Variants in SLC35F3 observed in about 807,000 individuals in gnomAD.
SLC35F3 encodes the protein putative thiamine transporter SLC35F3.
In SLC35F3, 25 loss-of-function variants were observed where a neutral mutation model predicts 49.9. The ratio of observed to expected loss-of-function variants is 0.50; its 90% CI spans 0.37 to 0.70. The LOEUF is 0.70. SLC35F3 is among the 30% of genes least tolerant of loss of function. The pLI, the probability that SLC35F3 is intolerant of heterozygous loss-of-function variation, is 0.00. For missense variants in SLC35F3, 525 were observed against 639.8 expected (o/e 0.82, Z 1.94); for synonymous variants, 275 against 265.4 (o/e 1.04, Z -0.35).
intron 2 of SLC35F3, among the ~76,000 whole-genome samples, chr1:233,990,295 T>C (rs1663332453): frequency 6.6e-6 from 1 of 152,182 alleles, no homozygotes; most frequent in African/African-American, 2.4e-5. Context: ...GTTTGGAGTG[T>C]ATGAATTTAA....
chr1:234,143,787 C>T (rs944579355), intron 2 of SLC35F3, among the ~76,000 whole-genome samples: 1 of 152,152 alleles, frequency 6.6e-6, no homozygotes, highest in Non-Finnish European at 1.5e-5. Context: ...AGGTTTATTC[C>T]GTATCTTGGC....
intron 2 of SLC35F3, among the ~76,000 whole-genome samples, chr1:234,194,293 C>T (rs961004315): frequency 1.3e-5 from 2 of 152,106 alleles, no homozygotes; most frequent in Admixed American, 6.5e-5. Flanking sequence ...ATGGCATTTG[C>T]GCTACCTGGA....
intron 2 of SLC35F3, among the ~76,000 whole-genome samples, chr1:233,971,193 G>T (rs1262535363): frequency 6.6e-6 from 1 of 152,148 alleles, no homozygotes; most frequent in African/African-American, 2.4e-5. Context: ...TTTCAGAGTC[G>T]TCAGCCAAGT....
chr1:234,005,341 G>T (rs1424342932), intron 2 of SLC35F3, among the ~76,000 whole-genome samples: 1 of 152,144 alleles, frequency 6.6e-6, no homozygotes. Context: ...CTTCATATGA[G>T]TGACTTGTTC....
intron 2 of SLC35F3, among the ~76,000 whole-genome samples, chr1:234,073,239 G>A (rs997564025): frequency 6.6e-6 from 1 of 152,138 alleles, no homozygotes; most frequent in Admixed American, 6.5e-5. Flanking sequence ...GAACTCCTGG[G>A]CTCAAGCAAT....
chr1:234,139,608 C>G lies in SLC35F3; in HGVS notation c.284-91809C>G, dbSNP rs971024736. On this transcript the variant is annotated intron_variant, in intron 2 of 7. Coordinates refer to ENST00000366618, the MANE Select transcript of SLC35F3 (RefSeq NM_173508.4). ...GTTTCACTTTCCATGGTCAAGTTGC[C>G]CGTGGTCAAGTGCGGTCAGACAATA... 3.9e-5 allele frequency among the ~76,000 whole-genome samples: 6 copies of G among 152,010 alleles called. No individual in the cohort carries two copies. The East Asian group carries it at 1.2e-3, about 29-fold the overall frequency.
intron 2 of SLC35F3, among the ~76,000 whole-genome samples, chr1:233,951,704 ATTC>A (rs982270491): frequency 2.6e-4 from 40 of 151,548 alleles, no homozygotes; most frequent in African/African-American, 7.5e-4. Flanking sequence ...CATGTAGATG[ATTC>A]TTCTTCTTCT....
chr1:234,010,483 T>C (rs1473744007), intron 2 of SLC35F3, among the ~76,000 whole-genome samples: 1 of 152,086 alleles, frequency 6.6e-6, no homozygotes, highest in Non-Finnish European at 1.5e-5. Flanking sequence ...CAGTAACAAG[T>C]CCTTACCTAT....
intron 3 of SLC35F3, among the ~76,000 whole-genome samples, chr1:234,275,421 A>G (rs1319757541): frequency 1.3e-5 from 2 of 152,156 alleles, no homozygotes; most frequent in Admixed American, 1.3e-4. Flanking sequence ...ATTCATTAAG[A>G]TATCAATTTC....
chr1:234,170,870 A>G (rs1471187), intron 2 of SLC35F3, among the ~76,000 whole-genome samples: 145,459 of 152,248 alleles, frequency 0.96, 69,864 homozygotes, highest in East Asian at 1. Context: ...CCGTGGGGAC[A>G]GTCGGCCCCT....
At chr1:233,952,881 G>A (rs909607549) in intron 2 of SLC35F3, among the ~76,000 whole-genome samples, 12 of 151,950 alleles carry the variant, frequency 7.9e-5, no homozygotes, top group Admixed American at 5.9e-4. Context: ...CCCCCTCCCC[G>A]CCCCACAATT....
chr1:234,314,729 T>C (rs972294548), intron 4 of SLC35F3, among the ~76,000 whole-genome samples: 5 of 152,186 alleles, frequency 3.3e-5, no homozygotes, highest in African/African-American at 1.2e-4. Context: ...GCCATTGCAC[T>C]CCAACCTGGG....
At chr1:234,218,247 A>G (rs1448815915) in intron 2 of SLC35F3, among the ~76,000 whole-genome samples, 1 of 152,218 alleles carries the variant, frequency 6.6e-6, no homozygotes, top group Non-Finnish European at 1.5e-5. Flanking sequence ...CAGTGAAATT[A>G]CATTCAATAG....
rs1033681921 is a variant in SLC35F3 at position 234,120,486 on chromosome 1, G to T, written c.284-110931G>T. On this transcript the variant is annotated intron_variant, in intron 2 of 7. Coordinates refer to ENST00000366618, the MANE Select transcript of SLC35F3 (RefSeq NM_173508.4). ...ACCGCAGTTCCTCTGAGCCTCTAAT[G>T]CACATTGCACTCTTTCCCCTTTGAT... 3.3e-5 allele frequency among the ~76,000 whole-genome samples: 5 copies of T among 152,236 alleles called. No individual in the cohort carries two copies. In the South Asian group the frequency reaches 6.2e-4, roughly 19 times the overall value.
At chr1:234,020,273 A>G (rs1663870537) in intron 2 of SLC35F3, among the ~76,000 whole-genome samples, 1 of 152,160 alleles carries the variant, frequency 6.6e-6, no homozygotes, top group East Asian at 1.9e-4. Context: ...TTGGCTTTCA[A>G]ATATTTCATG....
chr1:234,300,191 C>T (rs564691194), intron 3 of SLC35F3, among the ~76,000 whole-genome samples: 86 of 152,250 alleles, frequency 5.6e-4, no homozygotes, highest in African/African-American at 1.6e-3. Flanking sequence ...AACTGGCTGA[C>T]GAACAGAAAC....
At chr1:234,260,775 GAAACTCCGCATAC>G (rs903649900) in intron 3 of SLC35F3, among the ~76,000 whole-genome samples, 11 of 152,136 alleles carry the variant, frequency 7.2e-5, no homozygotes, top group African/African-American at 2.7e-4. Context: ...GGCACCGGGA[GAAACTCCGCATAC>G]ATAAGTGCCT....
chr1:233,976,441 C>A (rs572796927), intron 2 of SLC35F3, among the ~76,000 whole-genome samples: 1 of 152,262 alleles, frequency 6.6e-6, no homozygotes, highest in South Asian at 2.1e-4. Flanking sequence ...CAATAGTCAG[C>A]GTTCTGCTGT....
intron 4 of SLC35F3, among the ~76,000 whole-genome samples, chr1:234,310,608 G>C (rs1050312432): frequency 1.3e-5 from 2 of 152,198 alleles, no homozygotes; most frequent in African/African-American, 4.8e-5. Flanking sequence ...ACTCGATGCT[G>C]AAGATCTGAA....
Sources: allele counts gnomAD v4.1 joint callset (sites outside exome capture counted in the v4.1 genomes callset), GRCh38; gene constraint gnomAD v4.1.1; transcripts MANE v1.5; gene names NCBI Gene and HGNC (gene_info 2026-07-23, HGNC 2026-07-21).